COG6: variants seen among roughly 807,000 people sequenced by gnomAD.
COG6 encodes conserved oligomeric Golgi complex subunit 6.
COG6 carries 74 observed loss-of-function variants against 88.8 expected under a neutral mutation model. The ratio of observed to expected loss-of-function variants is 0.83; its 90% CI spans 0.69 to 1.01. The LOEUF is 1.01. Ranked by LOEUF, COG6 falls within the 50% of genes least tolerant of loss-of-function variation. The pLI is 0.00. For missense variants in COG6, 800 were observed against 797.9 expected (o/e 1.00, Z -0.03); for synonymous variants, 286 against 278.7 (o/e 1.03, Z -0.26).
chr13:39,787,343 G>A lies in COG6; in HGVS notation c.1827-992G>A, dbSNP rs574543510. Reference sequence around the variant, plus strand: ...GTGGAACATTTAACTGCATGCTTTAGCATTTAACTGGATTCTGTATCAAGT... The same window carrying A: ...GTGGAACATTTAACTGCATGCTTTAACATTTAACTGGATTCTGTATCAAGT... On this transcript the variant is annotated intron_variant, in intron 18 of 18. Transcript: ENST00000416691. Among the ~76,000 whole-genome samples the A allele has an allele frequency of 2.0e-5, 3 of 152,276 alleles. No individual in the cohort carries two copies. The South Asian group carries it at 6.2e-4, about 32-fold the overall frequency.
intron 18 of COG6, among the ~76,000 whole-genome samples, chr13:39,769,025 A>G (rs1881244630): frequency 2.6e-5 from 4 of 152,164 alleles, no homozygotes; most frequent in African/African-American, 7.2e-5. Flanking sequence ...CCCACTTAAC[A>G]TAATGTTAAG....
intron 13 of COG6, among the ~76,000 whole-genome samples, chr13:39,706,528 AG>A (rs1218765225): frequency 6.6e-6 from 1 of 151,836 alleles, no homozygotes; most frequent in Non-Finnish European, 1.5e-5. Context: ...CTCTAGTAAA[AG>A]TCAGAGCACC....
intron 13 of COG6, among the ~76,000 whole-genome samples, chr13:39,710,224 C>A (rs530463635): frequency 6.6e-6 from 1 of 152,042 alleles, no homozygotes; most frequent in Admixed American, 6.6e-5. Context: ...GATTTATTCC[C>A]AGATATTGAG....
chr13:39,664,998 ATTTGT>A (rs1242861543), intron 3 of COG6, 93 bp from the exon 4 acceptor site: 7 of 713,724 alleles, frequency 9.8e-6, no homozygotes, highest in Non-Finnish European at 1.5e-5. Context: ...GAGTGATCTC[ATTTGT>A]TTTAAGTCTA....
intron 5 of COG6, 165 bp from the exon 6 acceptor site, chr13:39,679,373 C>G (rs963893605): frequency 1.6e-6 from 1 of 625,614 alleles, no homozygotes; most frequent in South Asian, 2.0e-5. Flanking sequence ...TGAATAAATA[C>G]CAGTTACACC....
intron 1 of COG6, chr13:39,656,199 C>CT (rs1874483094): frequency 1.9e-6 from 1 of 529,620 alleles, no homozygotes; most frequent in Non-Finnish European, 3.6e-6. Flanking sequence ...AGGCGTTTGG[C>CT]TGTGTGAGCT....
chr13:39,709,758 A>C (rs182595496), intron 13 of COG6, among the ~76,000 whole-genome samples: 2 of 152,134 alleles, frequency 1.3e-5, no homozygotes, highest in African/African-American at 4.8e-5. Flanking sequence ...TTATATGTAC[A>C]CACACACCAC....
At chr13:39,767,563 A>G (rs1261630757) in intron 18 of COG6, among the ~76,000 whole-genome samples, 1 of 152,200 alleles carries the variant, frequency 6.6e-6, no homozygotes, top group African/African-American at 2.4e-5. Flanking sequence ...GTTAGCAAAG[A>G]AGGGCGTTCT....
At chr13:39,691,587 A>G (rs767190249) in intron 11 of COG6, among the ~76,000 whole-genome samples, 4 of 152,010 alleles carry the variant, frequency 2.6e-5, no homozygotes, top group Non-Finnish European at 5.9e-5. Flanking sequence ...ATAGTTACGT[A>G]TCAAATTAGC....
intron 3 of COG6, among the ~76,000 whole-genome samples, chr13:39,661,640 A>C (rs1593404838): frequency 2.0e-5 from 3 of 152,020 alleles, no homozygotes; most frequent in African/African-American, 7.2e-5. Flanking sequence ...TATTCTTACT[A>C]ATCTATCAGA....
intron 18 of COG6, among the ~76,000 whole-genome samples, chr13:39,742,420 A>C (rs1269668352): frequency 6.6e-6 from 1 of 152,166 alleles, no homozygotes; most frequent in Non-Finnish European, 1.5e-5. Context: ...TCTACCAAGC[A>C]AATGGAAAAC....
intron 18 of COG6, among the ~76,000 whole-genome samples, chr13:39,761,190 C>T (rs1274006730): frequency 1.3e-5 from 2 of 151,962 alleles, no homozygotes; most frequent in Non-Finnish European, 2.9e-5. Flanking sequence ...TTCAAAAACA[C>T]TGTAATTTTC....
At chr13:39,753,892 T>G (rs549607934), downstream of COG6, among the ~76,000 whole-genome samples, 66 of 152,350 alleles carry the variant, frequency 4.3e-4, no homozygotes, top group African/African-American at 1.5e-3. Flanking sequence ...GTCTACTTCC[T>G]TATTTCTCAT....
intron 17 of COG6, among the ~76,000 whole-genome samples, chr13:39,725,586 T>C (rs1879090684): frequency 6.6e-6 from 1 of 151,864 alleles, no homozygotes. Flanking sequence ...GCTATCTATA[T>C]GATTATTAGA....
At chr13:39,683,035 T>G (rs1390033672) in intron 8 of COG6, among the ~76,000 whole-genome samples, 7 of 152,160 alleles carry the variant, frequency 4.6e-5, no homozygotes, top group African/African-American at 1.4e-4. Flanking sequence ...CATTACTTTC[T>G]GATTGGAACA....
intron 13 of COG6, among the ~76,000 whole-genome samples, chr13:39,705,972 A>G (rs184615692): frequency 6.6e-6 from 1 of 151,716 alleles, no homozygotes; most frequent in African/African-American, 2.4e-5. Flanking sequence ...AGAAAACCAA[A>G]TTTTTTTTAT....
intron 13 of COG6, among the ~76,000 whole-genome samples, chr13:39,707,221 C>A (rs776579115): frequency 1.3e-5 from 2 of 150,576 alleles, no homozygotes; most frequent in African/African-American, 2.4e-5. Flanking sequence ...TTCTGCCTCC[C>A]GGGTTCAAGT....
Position 39,778,834 on chromosome 13 carries a change from C to T in COG6, c.1827-9501C>T, listed in dbSNP as rs1218442171. Among the ~76,000 whole-genome samples the T allele has an allele frequency of 2.6e-5, 4 of 152,280 alleles. No individual in the cohort carries two copies. In the East Asian group the frequency reaches 5.8e-4, roughly 22 times the overall value. On this transcript the variant is annotated intron_variant, in intron 18 of 18. Transcript: ENST00000416691. The stretch of plus-strand genomic sequence containing the variant: ...TGGTTTTGGTCCTCCCCTTGTGGGC[C>T]TCCACACAGGCTGCCTGAGAGTCTT...
chr13:39,743,491 C>T lies in COG6; in HGVS notation c.1827-7455C>T, dbSNP rs529201144. The stretch of plus-strand genomic sequence containing the variant: ...CTATAAACACCTCTATGCAAATAAT[C>T]TAGAAAACCTAGAAGAAATGGATAA... On this transcript the variant is annotated intron_variant, in intron 18 of 18. Transcript: ENST00000455146. Among the ~76,000 whole-genome samples, 852 of 152,292 alleles carry T rather than the reference C, an allele frequency of 5.6e-3. 6 individuals carry two copies. Among genetic ancestry groups the T allele is most frequent in the Non-Finnish European group, 6.8e-3 (465 of 68,034 alleles).
Sources: allele counts gnomAD v4.1 joint callset (sites outside exome capture counted in the v4.1 genomes callset), GRCh38; gene constraint gnomAD v4.1.1; transcripts MANE v1.5; gene names NCBI Gene and HGNC (gene_info 2026-07-23, HGNC 2026-07-21).